Variants in MNAT1 observed in about 807,000 individuals in gnomAD.
The protein encoded by MNAT1 is MNAT1 component of CDK activating kinase.
In MNAT1, 43 loss-of-function variants were observed where a neutral mutation model predicts 42.0. The observed-to-expected ratio is 1.02, with a 90% CI of 0.80 to 1.32. MNAT1 has a LOEUF of 1.32. Ranked by LOEUF, MNAT1 falls within the 40% of genes most tolerant of loss-of-function variation. The pLI, the probability that MNAT1 is intolerant of heterozygous loss-of-function variation, is 0.00. For synonymous variants in MNAT1, 118 were observed against 120.0 expected (o/e 0.98, Z 0.11); for missense variants, 306 against 350.4 (o/e 0.87, Z 1.01).
chr14:60,861,355 C>T (rs8005182), intron 6 of MNAT1, among the ~76,000 whole-genome samples: 141,306 of 152,178 alleles, frequency 0.93, 66,069 homozygotes, highest in Non-Finnish European at 0.99. Context: ...TTTAAAACAT[C>T]TTCCTTAGAA....
At chr14:60,813,658 C>T (rs1437442559) in intron 5 of MNAT1, among the ~76,000 whole-genome samples, 1 of 152,112 alleles carries the variant, frequency 6.6e-6, no homozygotes, top group African/African-American at 2.4e-5. Context: ...ACAGTATGTA[C>T]TGGGGAAAAC....
chr14:60,920,642 C>T (rs2035638490), intron 7 of MNAT1, among the ~76,000 whole-genome samples: 1 of 151,992 alleles, frequency 6.6e-6, no homozygotes. Context: ...AGGGTTTCAC[C>T]ATGTTGGCCA....
At chr14:60,742,853 T>C (rs143730114) in intron 1 of MNAT1, among the ~76,000 whole-genome samples, 280 of 152,380 alleles carry the variant, frequency 1.8e-3, no homozygotes, top group African/African-American at 6.6e-3. Context: ...TTGCTGAATA[T>C]TATTCCATTG....
intron 6 of MNAT1, among the ~76,000 whole-genome samples, chr14:60,845,101 A>G (rs2033649923): frequency 6.6e-6 from 1 of 151,878 alleles, no homozygotes; most frequent in African/African-American, 2.4e-5. Flanking sequence ...TAATGTTTTT[A>G]TCAGTAATGC....
chr14:60,856,081 G>A (rs989396124), intron 6 of MNAT1, among the ~76,000 whole-genome samples: 1 of 152,174 alleles, frequency 6.6e-6, no homozygotes, highest in African/African-American at 2.4e-5. Flanking sequence ...AGCTAGAAAC[G>A]ATTAAGCTTC....
intron 1 of MNAT1, among the ~76,000 whole-genome samples, chr14:60,785,676 T>G (rs1046600721): frequency 6.6e-6 from 1 of 152,212 alleles, no homozygotes; most frequent in Non-Finnish European, 1.5e-5. Context: ...TTTATATAGC[T>G]TATATAATTT....
intron 7 of MNAT1, among the ~76,000 whole-genome samples, chr14:60,917,382 AAG>A (rs745712023): frequency 2.0e-5 from 3 of 152,218 alleles, no homozygotes; most frequent in Non-Finnish European, 4.4e-5. Context: ...TTTTATGAAT[AAG>A]CAGTGTATAA....
At chr14:60,818,492 T>C (rs1449718652) in intron 5 of MNAT1, among the ~76,000 whole-genome samples, 2 of 152,056 alleles carry the variant, frequency 1.3e-5, no homozygotes, top group African/African-American at 4.8e-5. Flanking sequence ...ATAGGAACTT[T>C]TAATGTGGAT....
intron 7 of MNAT1, among the ~76,000 whole-genome samples, chr14:60,926,030 A>T (rs2035756946): frequency 6.6e-6 from 1 of 152,168 alleles, no homozygotes; most frequent in Non-Finnish European, 1.5e-5. Flanking sequence ...TTCAGTCATG[A>T]TTGTGGACTT....
intron 7 of MNAT1, among the ~76,000 whole-genome samples, chr14:60,918,198 CTTTTTTTTTTTTTT>C (rs386381525): frequency 1.0e-4 from 5 of 48,598 alleles, no homozygotes; most frequent in Admixed American, 4.1e-4. Flanking sequence ...ATTAATTGTT[CTTTTTTTTTTTTTT>C]TTTTTTTTTT....
chr14:60,870,987 C>A lies in MNAT1; in HGVS notation c.688-8727C>A, dbSNP rs150483066. The stretch of plus-strand genomic sequence containing the variant: ...TCTGGACATTTCCTAGAAGTGGAAT[C>A]ATGTAATATATTGGTCCTTCACATC... On this transcript the variant is annotated intron_variant, in intron 6 of 7. Coordinates refer to ENST00000261245, the MANE Select transcript of MNAT1 (RefSeq NM_002431.4). Among the ~76,000 whole-genome samples, 351 of 152,264 alleles carry A rather than the reference C, an allele frequency of 2.3e-3. 1 individual carries two copies. The highest frequency in any genetic ancestry group is 4.1e-3 in the Non-Finnish European group (277 of 68,018).
intron 7 of MNAT1, among the ~76,000 whole-genome samples, chr14:60,964,658 A>G (rs186813178): frequency 6.0e-4 from 92 of 152,288 alleles, no homozygotes; most frequent in East Asian, 5.0e-3. Context: ...CCCAAACCCA[A>G]CTGAGCTTGA....
intron 7 of MNAT1, among the ~76,000 whole-genome samples, chr14:60,918,254 G>C (rs1439038856): frequency 1.6e-5 from 2 of 123,088 alleles, no homozygotes; most frequent in African/African-American, 6.1e-5. Context: ...TGTCGCCCAG[G>C]CTGGAGTGCA....
At chr14:60,918,372 C>T (rs562835970) in intron 7 of MNAT1, among the ~76,000 whole-genome samples, 1 of 150,994 alleles carries the variant, frequency 6.6e-6, no homozygotes, top group Admixed American at 6.6e-5. Context: ...CCATACCGGG[C>T]TAATTTTTTG....
intron 6 of MNAT1, among the ~76,000 whole-genome samples, chr14:60,853,450 G>A (rs934319086): frequency 5.3e-5 from 8 of 152,280 alleles, no homozygotes; most frequent in Middle Eastern, 3.4e-3. Flanking sequence ...TTTGGGGTGA[G>A]ATGATGGGAT....
chr14:60,734,771 T>A lies in MNAT1; in HGVS notation c.-92T>A. ...GGGACCGTCTCTGCCAAGCGCCTGT[T>A]GGTAGGAACCTGCTTGGTCGCGTCT... On this transcript the variant is annotated 5_prime_UTR_variant, in exon 1 of 8. Coordinates refer to ENST00000261245, the MANE Select transcript of MNAT1 (RefSeq NM_002431.4). This position sits in a 1 kb window ranked among gnomAD's most constrained non-coding sequence, Gnocchi z 4.3. The A allele has an allele frequency of 8.5e-7, 1 of 1,169,646 alleles. No homozygotes were observed. The highest frequency in any genetic ancestry group is 1.3e-6 in the Non-Finnish European group (1 of 790,228). 72.5% of individuals were successfully genotyped at this position (1,169,646 alleles called of 1,614,324 possible). A position where few individuals can be genotyped will look rare whatever the true frequency, so the allele number is the denominator to read the frequency against.
intron 1 of MNAT1, chr14:60,780,340 G>T: frequency 6.4e-7 from 1 of 1,571,048 alleles, no homozygotes; most frequent in Non-Finnish European, 8.8e-7. Context: ...AAAAGTCTCA[G>T]AAAGCTATTC....
At chr14:60,889,719 AT>A (rs1179587678) in intron 7 of MNAT1, among the ~76,000 whole-genome samples, 1 of 152,230 alleles carries the variant, frequency 6.6e-6, no homozygotes, top group Non-Finnish European at 1.5e-5. Context: ...AAGAGCTAAT[AT>A]CCAGAATCTA....
chr14:60,850,171 A>T (rs1053741048), intron 6 of MNAT1, among the ~76,000 whole-genome samples: 1 of 152,208 alleles, frequency 6.6e-6, no homozygotes, highest in Non-Finnish European at 1.5e-5. Flanking sequence ...TATTGATATG[A>T]TATGGCTGTG....
Sources: gnomAD v4.1 joint callset for allele counts (sites outside exome capture counted in the v4.1 genomes callset) on GRCh38, gnomAD v4.1.1 for gene constraint, Gnocchi (gnomAD v3.1) non-coding constraint, MANE v1.5 for transcripts, NCBI Gene and HGNC (gene_info 2026-07-23, HGNC 2026-07-21) for gene names.